The following MACROD2 variants were observed in gnomAD, a reference collection of about 807,000 sequenced individuals.
MACROD2 encodes the protein mono-ADP ribosylhydrolase 2.
A neutral mutation model predicts 70.4 loss-of-function variants in MACROD2; 36 were observed. That is an observed-to-expected ratio of 0.51 (90% CI 0.39 to 0.68). The LOEUF is 0.68. Ranked by LOEUF, MACROD2 falls within the 30% of genes least tolerant of loss-of-function variation. The pLI, the probability that MACROD2 is intolerant of heterozygous loss-of-function variation, is 0.00. For missense variants in MACROD2, 496 were observed against 538.4 expected (o/e 0.92, Z 0.78); for synonymous variants, 172 against 178.8 (o/e 0.96, Z 0.30).
intron 2 of MACROD2, among the ~76,000 whole-genome samples, chr20:14,067,180 G>C (rs1601181441): frequency 7.0e-6 from 1 of 143,352 alleles, no homozygotes; most frequent in East Asian, 2.1e-4. Flanking sequence ...CTGGGGTGCA[G>C]TGGTGCTATC....
chr20:15,022,490 G>A (rs1292730060), intron 5 of MACROD2, among the ~76,000 whole-genome samples: 1 of 152,170 alleles, frequency 6.6e-6, no homozygotes, highest in African/African-American at 2.4e-5. Context: ...GGGACTATTA[G>A]AAGCAGAATA....
At chr20:14,081,037 T>G (rs961985344) in intron 2 of MACROD2, among the ~76,000 whole-genome samples, 1 of 152,222 alleles carries the variant, frequency 6.6e-6, no homozygotes, top group Non-Finnish European at 1.5e-5. Context: ...GCCTTTTTCT[T>G]GTCTAGGCCC....
Position 16,008,225 on chromosome 20 carries a change from C to T in MACROD2, c.1153+21067C>T, listed in dbSNP as rs149104198. On this transcript the variant is annotated intron_variant, in intron 15 of 17. Coordinates refer to ENST00000684519, the MANE Select transcript of MACROD2 (RefSeq NM_001351661.2). Reference sequence around the variant, plus strand: ...AAGCCTTCCTATAGCGCCCCCTATACTGTCTTCTGGTTAGTCGTTTATCTC... The same window carrying T: ...AAGCCTTCCTATAGCGCCCCCTATATTGTCTTCTGGTTAGTCGTTTATCTC... Among the ~76,000 whole-genome samples the T allele has an allele frequency of 2.8e-3, 430 of 152,322 alleles. 2 individuals are homozygous for T. The highest frequency in any genetic ancestry group is 9.6e-3 in the African/African-American group (401 of 41,580).
intron 3 of MACROD2, among the ~76,000 whole-genome samples, chr20:14,380,680 G>A (rs557183972): frequency 6.6e-6 from 1 of 152,118 alleles, no homozygotes; most frequent in East Asian, 1.9e-4. Context: ...CTATTGACTG[G>A]TCTCTTCATA....
intron 6 of MACROD2, 126 bp from the exon 7 acceptor site, chr20:15,431,279 A>G: frequency 1.3e-6 from 1 of 784,996 alleles, no homozygotes; most frequent in South Asian, 1.7e-5. Flanking sequence ...CCCCTACTCC[A>G]ACTCATAGCT....
intron 5 of MACROD2, among the ~76,000 whole-genome samples, chr20:15,174,536 G>A (rs1340242300): frequency 6.6e-6 from 1 of 152,030 alleles, no homozygotes; most frequent in East Asian, 1.9e-4. Flanking sequence ...GGATGGCTGG[G>A]TCAAATGGTA....
rs902093414 is a variant in MACROD2 at position 15,728,957 on chromosome 20, C to T, written c.646-133788C>T. On this transcript the variant is annotated intron_variant, in intron 8 of 17. Transcript: ENST00000684519. ...AGTTTGTTTGTTCTTTCTCTAGCTC[C>T]TCTGAGTGTGATATTAAGTTGTTAA... Among the ~76,000 whole-genome samples, 46 of 151,998 alleles carry T rather than the reference C, an allele frequency of 3.0e-4. 1 individual carries two copies. The highest frequency in any genetic ancestry group is 3.0e-3 in the Admixed American group (45 of 15,242).
At chr20:15,894,881 T>C (rs773035906) in intron 10 of MACROD2, among the ~76,000 whole-genome samples, 1 of 152,224 alleles carries the variant, frequency 6.6e-6, no homozygotes, top group Non-Finnish European at 1.5e-5. Flanking sequence ...TGTTACTGCC[T>C]GGTTGGGAGA....
chr20:14,097,944 C>T (rs1295171621), intron 3 of MACROD2, among the ~76,000 whole-genome samples: 1 of 152,118 alleles, frequency 6.6e-6, no homozygotes, highest in Non-Finnish European at 1.5e-5. Flanking sequence ...CTCGTGGTGT[C>T]ATATTGGCAC....
At chr20:14,119,995 A>G (rs28599941) in intron 3 of MACROD2, among the ~76,000 whole-genome samples, 6,244 of 152,016 alleles carry the variant, frequency 0.041, 173 homozygotes, top group African/African-American at 0.08. Context: ...GATCACTTGA[A>G]GTCGGGAGTT....
chr20:14,940,855 CTTTG>C (rs1339425181), intron 5 of MACROD2, among the ~76,000 whole-genome samples: 6 of 152,140 alleles, frequency 3.9e-5, no homozygotes, highest in Admixed American at 2.6e-4. Flanking sequence ...CTGTAGTTTT[CTTTG>C]TTTGTTGTGT....
intron 4 of MACROD2, among the ~76,000 whole-genome samples, chr20:14,632,540 T>C (rs573558866): frequency 2.4e-4 from 37 of 152,258 alleles, no homozygotes; most frequent in Non-Finnish European, 5.0e-4. Context: ...CTTTTCTACA[T>C]TTGTGGTTTT....
intron 5 of MACROD2, chr20:14,894,885 A>G (rs2073809555): frequency 6.6e-6 from 1 of 152,144 alleles, no homozygotes; most frequent in South Asian, 2.1e-4. Flanking sequence ...ATATATTAAC[A>G]TGTTTGGGAC....
chr20:14,276,145 G>A (rs1326808079), intron 3 of MACROD2, among the ~76,000 whole-genome samples: 2 of 152,096 alleles, frequency 1.3e-5, no homozygotes, highest in African/African-American at 2.4e-5. Context: ...CCAAAGGACT[G>A]TAAATCATGC....
At chr20:15,610,590 A>T (rs535558594) in intron 8 of MACROD2, among the ~76,000 whole-genome samples, 1 of 152,262 alleles carries the variant, frequency 6.6e-6, no homozygotes, top group South Asian at 2.1e-4. Flanking sequence ...TAGCATAATA[A>T]CATCTGCAAA....
chr20:14,978,601 G>T (rs1040421448), intron 5 of MACROD2, among the ~76,000 whole-genome samples: 2 of 151,174 alleles, frequency 1.3e-5, no homozygotes, highest in Non-Finnish European at 2.9e-5. Flanking sequence ...GTTATTTAAA[G>T]TCTCCAGACT....
chr20:15,002,244 G>T (rs1442126027), intron 5 of MACROD2, among the ~76,000 whole-genome samples: 3 of 151,958 alleles, frequency 2.0e-5, no homozygotes, highest in Non-Finnish European at 4.4e-5. Flanking sequence ...GTGTAGACAT[G>T]TTCCTTTTTC....
intron 4 of MACROD2, among the ~76,000 whole-genome samples, chr20:14,681,241 C>T (rs2070928386): frequency 6.6e-6 from 1 of 152,052 alleles, no homozygotes; most frequent in Non-Finnish European, 1.5e-5. Context: ...TATGTACTTA[C>T]CTAGTAATTT....
chr20:15,986,738 G>A lies in MACROD2; in HGVS notation c.997G>A (p.Asp333Asn). ...DQDHPDGQEN[D>N]STKNEIKIET... is the part of the protein sequence containing the mutation. Reference sequence around the variant, plus strand: ...ACTGTTTTGAACAGGACAAGAGAATGATTCAACGAAGAATGAAATAAAAAT... The same window carrying A: ...ACTGTTTTGAACAGGACAAGAGAATAATTCAACGAAGAATGAAATAAAAAT... Residue 333 changes from aspartate to asparagine, a missense_variant, in exon 14 of 18, where the codon GAT becomes AAT. Physicochemically the swap from Asp to Asn is conservative, Grantham distance 23 (BLOSUM62 1). Coordinates refer to ENST00000684519, the MANE Select transcript of MACROD2 (RefSeq NM_001351661.2). 1.2e-6 allele frequency: 2 copies of A among 1,613,032 alleles called. No homozygotes were observed. The highest frequency in any genetic ancestry group is 8.5e-7 in the Non-Finnish European group (1 of 1,179,104).
Sources: allele counts gnomAD v4.1 joint callset (sites outside exome capture counted in the v4.1 genomes callset), GRCh38; gene constraint gnomAD v4.1.1; transcripts MANE v1.5; gene names NCBI Gene and HGNC (gene_info 2026-07-23, HGNC 2026-07-21).